Variants in OPCML observed in about 807,000 individuals in gnomAD.
OPCML encodes the protein opioid-binding protein/cell adhesion molecule.
A neutral mutation model predicts 37.8 loss-of-function variants in OPCML; 13 were observed. That is an observed-to-expected ratio of 0.34 (90% CI 0.22 to 0.55). The LOEUF (loss-of-function observed/expected upper bound fraction) is 0.55. OPCML is among the 20% of genes least tolerant of loss of function. The pLI is 0.91. For missense variants in OPCML, 341 were observed against 435.6 expected (o/e 0.78, Z 1.93); for synonymous variants, 176 against 168.8 (o/e 1.04, Z -0.33).
chr11:133,377,627 A>AAAAAAAAAAAG (rs1944840557), intron 1 of OPCML, among the ~76,000 whole-genome samples: 1 of 150,754 alleles, frequency 6.6e-6, no homozygotes, highest in Admixed American at 6.6e-5. Context: ...AAAAAAAAAA[A>AAAAAAAAAAAG]GAGCACCAAG....
At chr11:132,918,937 G>A (rs1944696582) in intron 2 of OPCML, among the ~76,000 whole-genome samples, 1 of 152,134 alleles carries the variant, frequency 6.6e-6, no homozygotes, top group Non-Finnish European at 1.5e-5. Flanking sequence ...AATTATGCTT[G>A]GAAAAATTCA....
rs35290444 is a variant in OPCML, at chr11:133,511,417, C to T, written c.61+20847G>A. On this transcript the variant is annotated intron_variant, in intron 1 of 7. Transcript: ENST00000524381. ...GGGTACCCCAATAAGCTCCCTTATC[C>T]TTTAAAAACCTCTCTGCCCACATCT... Among the ~76,000 whole-genome samples, 1,261 of 152,256 alleles carry T rather than the reference C, an allele frequency of 8.3e-3. 6 individuals carry two copies. Among genetic ancestry groups the T allele is most frequent in the Non-Finnish European group, 0.012 (809 of 68,020 alleles).
At chr11:132,886,687 A>G (rs1943434548) in intron 2 of OPCML, among the ~76,000 whole-genome samples, 1 of 152,198 alleles carries the variant, frequency 6.6e-6, no homozygotes, top group Non-Finnish European at 1.5e-5. Context: ...GGGTTCAGGA[A>G]AAGGGGGCCC....
chr11:133,167,390 T>C (rs1592066436), intron 1 of OPCML, among the ~76,000 whole-genome samples: 1 of 152,326 alleles, frequency 6.6e-6, no homozygotes, highest in East Asian at 1.9e-4. Flanking sequence ...AATCCTATTT[T>C]CTTGCCGAAC....
chr11:132,573,583 A>G (rs1345708154), intron 3 of OPCML, among the ~76,000 whole-genome samples: 2 of 151,952 alleles, frequency 1.3e-5, no homozygotes, highest in African/African-American at 4.8e-5. Flanking sequence ...ATTAAATTCC[A>G]CTTGGTTGTG....
intron 1 of OPCML, among the ~76,000 whole-genome samples, chr11:133,438,694 AG>A (rs904187310): frequency 6.6e-5 from 10 of 152,114 alleles, no homozygotes; most frequent in Admixed American, 1.3e-4. Context: ...TCACTTCAGG[AG>A]GGGGGCTGCT....
In OPCML at chr11:132,644,458, A is replaced by C. The variant is rs1425598872; in HGVS notation, c.379+12629T>G. Among the ~76,000 whole-genome samples, 4 of 152,332 alleles carry C rather than the reference A, an allele frequency of 2.6e-5. No individual in the cohort carries two copies. In the East Asian group the frequency reaches 7.7e-4, roughly 29 times the overall value. On this transcript the variant is annotated intron_variant, in intron 3 of 7. Coordinates refer to ENST00000524381, the MANE Select transcript of OPCML (RefSeq NM_001012393.5). ...GTTATGTTGTGTCTGAGGGGGAAAT[A>C]ATCTATCTGAACAGAAATTAAGAAA...
chr11:132,961,026 G>T (rs910406317), intron 1 of OPCML, among the ~76,000 whole-genome samples: 1 of 152,186 alleles, frequency 6.6e-6, no homozygotes, highest in Non-Finnish European at 1.5e-5. Context: ...GAGCAAAGCT[G>T]CCGGATTCCG....
At chr11:133,501,990 C>T (rs1947925823) in intron 1 of OPCML, among the ~76,000 whole-genome samples, 1 of 152,144 alleles carries the variant, frequency 6.6e-6, no homozygotes, top group African/African-American at 2.4e-5. Flanking sequence ...CTGCTGCCTC[C>T]TACCCATTCC....
chr11:133,117,867 G>A lies in OPCML; in HGVS notation c.62-174857C>T, dbSNP rs143829451. The A allele has an allele frequency of 1.5e-4, 143 of 983,470 alleles. No homozygotes were observed. In the Middle Eastern group the frequency reaches 1.6e-3, roughly 11 times the overall value. The allele number at this position is 983,470 out of a possible 1,614,324, so 60.9% of individuals were successfully genotyped here. ...AATAACTGATTCTAAAAGTATCACT[G>A]GAAAGTTTTGCAGCACTTTATCAAA... On this transcript the variant is annotated intron_variant, in intron 1 of 7. Transcript: ENST00000524381.
chr11:132,715,053 G>T (rs933472182), intron 2 of OPCML, among the ~76,000 whole-genome samples: 6 of 152,172 alleles, frequency 3.9e-5, no homozygotes, highest in Admixed American at 1.3e-4. Context: ...ATGGGCAAGG[G>T]AGGGCAGGCA....
At chr11:132,552,318 G>A (rs1322243719) in intron 3 of OPCML, among the ~76,000 whole-genome samples, 1 of 152,174 alleles carries the variant, frequency 6.6e-6, no homozygotes, top group Non-Finnish European at 1.5e-5. Context: ...CCATTCATGT[G>A]ACAGACTTTG....
chr11:133,071,665 C>G (rs929876505), intron 1 of OPCML, among the ~76,000 whole-genome samples: 9 of 152,162 alleles, frequency 5.9e-5, no homozygotes, highest in African/African-American at 2.2e-4. Flanking sequence ...AGAAGTGGAA[C>G]AAGTACTTTC....
At chr11:133,141,973 C>A (rs1305702408) in intron 1 of OPCML, among the ~76,000 whole-genome samples, 1 of 152,154 alleles carries the variant, frequency 6.6e-6, no homozygotes, top group Non-Finnish European at 1.5e-5. Context: ...AGTTCCTTGG[C>A]TTTTAGGGCA....
intron 3 of OPCML, among the ~76,000 whole-genome samples, chr11:132,538,517 G>T (rs2137350500): frequency 6.6e-6 from 1 of 152,248 alleles, no homozygotes; most frequent in South Asian, 2.1e-4. Flanking sequence ...TATTCTAAAA[G>T]CTCTGAACTG....
chr11:132,974,455 C>T (rs1946411753), intron 1 of OPCML, among the ~76,000 whole-genome samples: 2 of 152,136 alleles, frequency 1.3e-5, no homozygotes. Context: ...CAATGAGATA[C>T]CATCTCATGC....
At chr11:132,456,258 T>G (rs373619033) in intron 4 of OPCML, among the ~76,000 whole-genome samples, 48 of 152,246 alleles carry the variant, frequency 3.2e-4, no homozygotes, top group African/African-American at 1.2e-3. Flanking sequence ...CATAAACATA[T>G]GAAACTTTAC....
chr11:133,134,003 G>A (rs1225870681), intron 1 of OPCML, among the ~76,000 whole-genome samples: 1 of 152,084 alleles, frequency 6.6e-6, no homozygotes, highest in Non-Finnish European at 1.5e-5. Context: ...CAGAATATGA[G>A]ATCGCTCCTG....
Position 133,439,175 on chromosome 11 carries a change from AGTGGGGCAGTCTT to A in OPCML, c.61+93076_61+93088del, listed in dbSNP as rs1028440731. 9 of 554,216 alleles carry A rather than the reference AGTGGGGCAGTCTT, an allele frequency of 1.6e-5. No individual in the cohort carries two copies. The African/African-American group carries it at 1.7e-4, about 10-fold the overall frequency. The allele number at this position is 554,216 out of a possible 1,614,324, so 34.3% of individuals were successfully genotyped here. A position where few individuals can be genotyped will look rare whatever the true frequency, so the allele number is the denominator to read the frequency against. ...CCTGGGACTTGTGATTGGCACCCGAAGTGGGGCAGTCTTGTGGGACTGAGCCCTTAACCTGCAG... is the reference window on the plus strand; with the variant it reads ...CCTGGGACTTGTGATTGGCACCCGAAGTGGGACTGAGCCCTTAACCTGCAG... On this transcript the variant is annotated intron_variant, in intron 1 of 7. Transcript: ENST00000524381.
Sources: allele counts gnomAD v4.1 joint callset (sites outside exome capture counted in the v4.1 genomes callset), GRCh38; gene constraint gnomAD v4.1.1; transcripts MANE v1.5; gene names NCBI Gene and HGNC (gene_info 2026-07-23, HGNC 2026-07-21).